GABRG3: variants seen among roughly 807,000 people sequenced by gnomAD.
GABRG3 encodes gamma-aminobutyric acid type A receptor subunit gamma3, also known as gamma-aminobutyric acid receptor subunit gamma-3.
GABRG3 carries 25 observed loss-of-function variants against 48.8 expected under a neutral mutation model. The ratio of observed to expected loss-of-function variants is 0.51; its 90% CI spans 0.37 to 0.72. The LOEUF (loss-of-function observed/expected upper bound fraction) is 0.72, where lower values mean the gene tolerates loss of function less well. Among genes scored for constraint, GABRG3 ranks in the 30% least tolerant of loss-of-function variants. The pLI, the probability that GABRG3 is intolerant of heterozygous loss-of-function variation, is 0.00. For synonymous variants in GABRG3, 227 were observed against 217.6 expected (o/e 1.04, Z -0.38); for missense variants, 394 against 577.9 (o/e 0.68, Z 3.26).
chr15:27,249,288 C>A lies in GABRG3; in HGVS notation c.271-77521C>A, dbSNP rs374597587. 4.2e-3 allele frequency among the ~76,000 whole-genome samples: 646 copies of A among 152,238 alleles called. 4 individuals carry two copies. The highest frequency in any genetic ancestry group is 0.015 in the African/African-American group (615 of 41,548). On this transcript the variant is annotated intron_variant, in intron 3 of 9. Coordinates refer to ENST00000615808, the MANE Select transcript of GABRG3 (RefSeq NM_033223.5). ...AAACCAGATGACAGCTGGCATGAAA[C>A]CGCGGGGCTGGGCACATCCCCTGTT...
intron 2 of GABRG3, among the ~76,000 whole-genome samples, chr15:27,012,955 G>T (rs951903412): frequency 1.4e-4 from 21 of 152,224 alleles, no homozygotes; most frequent in African/African-American, 4.1e-4. Flanking sequence ...CTGTTAAAAG[G>T]TACGTATTAA....
At chr15:27,407,344 A>T (rs1486081153) in intron 5 of GABRG3, among the ~76,000 whole-genome samples, 1 of 152,104 alleles carries the variant, frequency 6.6e-6, no homozygotes, top group Non-Finnish European at 1.5e-5. Flanking sequence ...AGCAGCAGGA[A>T]CTCTCATGTA....
At chr15:27,428,537 C>A (rs62003771) in intron 5 of GABRG3, among the ~76,000 whole-genome samples, 4,077 of 152,298 alleles carry the variant, frequency 0.027, 85 homozygotes, top group Non-Finnish European at 0.044. Context: ...AATTTTCTGC[C>A]AATTTATTGA....
At chr15:27,225,003 C>A (rs936273247) in intron 3 of GABRG3, among the ~76,000 whole-genome samples, 6 of 152,166 alleles carry the variant, frequency 3.9e-5, no homozygotes, top group African/African-American at 1.4e-4. Context: ...TGAGGAGAGT[C>A]TTCACCCTCC....
At chr15:27,313,170 C>T (rs561944154) in intron 3 of GABRG3, among the ~76,000 whole-genome samples, 13 of 140,070 alleles carry the variant, frequency 9.3e-5, no homozygotes, top group African/African-American at 3.4e-4. Context: ...AGAGTCAATT[C>T]AGCAGAAACA....
intron 3 of GABRG3, among the ~76,000 whole-genome samples, chr15:27,228,382 A>C (rs1195764794): frequency 6.6e-6 from 1 of 152,222 alleles, no homozygotes; most frequent in East Asian, 1.9e-4. Flanking sequence ...ATGTTCCCGC[A>C]AAAGACATGT....
At chr15:27,392,212 T>C (rs984129053) in intron 5 of GABRG3, among the ~76,000 whole-genome samples, 1 of 152,208 alleles carries the variant, frequency 6.6e-6, no homozygotes, top group Admixed American at 6.5e-5. Flanking sequence ...CTCCACGCTT[T>C]GTTCATATTC....
At chr15:27,497,597 A>C (rs984615767) in intron 6 of GABRG3, among the ~76,000 whole-genome samples, 2 of 152,202 alleles carry the variant, frequency 1.3e-5, no homozygotes, top group Non-Finnish European at 2.9e-5. Context: ...AAAAAGCTTA[A>C]ATGTGAAAAT....
chr15:27,244,508 G>A (rs1890218510), intron 3 of GABRG3, among the ~76,000 whole-genome samples: 1 of 152,248 alleles, frequency 6.6e-6, no homozygotes, highest in African/African-American at 2.4e-5. Flanking sequence ...AGATAGGTCT[G>A]TTGCGTTTAC....
intron 5 of GABRG3, among the ~76,000 whole-genome samples, chr15:27,403,118 C>T (rs1048138768): frequency 6.6e-6 from 1 of 151,038 alleles, no homozygotes; most frequent in South Asian, 2.1e-4. Context: ...GAACTAGAAA[C>T]AATAAATTAT....
Position 27,004,129 on chromosome 15 carries a change from A to AC in GABRG3, c.203-22618dup, listed in dbSNP as rs1326410581. On this transcript the variant is annotated intron_variant, in intron 2 of 9. Coordinates refer to ENST00000615808, the MANE Select transcript of GABRG3 (RefSeq NM_033223.5). ...GGGCGGCTGGCCGGGCGGGGGGCTG[A>AC]CCCCCCCACCTCCCTCCCGGACGGG... is the stretch of plus-strand genomic sequence containing the variant. Among the ~76,000 whole-genome samples, 18 of 122,032 alleles carry AC rather than the reference A, an allele frequency of 1.5e-4. No individual in the cohort carries two copies. The South Asian group carries it at 1.8e-3, about 12-fold the overall frequency. 80.1% of individuals were successfully genotyped at this position (122,032 alleles called of 152,430 possible). A position where few individuals can be genotyped will look rare whatever the true frequency, so the allele number is the denominator to read the frequency against.
chr15:27,000,236 T>C (rs1895418483), intron 2 of GABRG3, among the ~76,000 whole-genome samples: 1 of 152,236 alleles, frequency 6.6e-6, no homozygotes, highest in South Asian at 2.1e-4. Context: ...TCTTGTTGAC[T>C]GCTTGATATT....
At chr15:27,192,345 G>A (rs1348119612) in intron 3 of GABRG3, among the ~76,000 whole-genome samples, 20 of 152,284 alleles carry the variant, frequency 1.3e-4, no homozygotes, top group African/African-American at 4.8e-4. Flanking sequence ...CATTCTCCCT[G>A]TCACTTTCAG....
intron 3 of GABRG3, among the ~76,000 whole-genome samples, chr15:27,310,594 A>G (rs1892962085): frequency 6.6e-6 from 1 of 152,198 alleles, no homozygotes; most frequent in Non-Finnish European, 1.5e-5. Context: ...CAGAATTTCA[A>G]TGGTTTTTAT....
chr15:27,492,271 G>A (rs909372012), intron 6 of GABRG3, among the ~76,000 whole-genome samples: 1 of 152,154 alleles, frequency 6.6e-6, no homozygotes, highest in African/African-American at 2.4e-5. Context: ...GAAAGAGAGG[G>A]CACATTCCAA....
At chr15:27,025,340 A>G (rs980767564) in intron 2 of GABRG3, among the ~76,000 whole-genome samples, 1 of 152,212 alleles carries the variant, frequency 6.6e-6, no homozygotes, top group African/African-American at 2.4e-5. Flanking sequence ...TAGCATAATC[A>G]AAGGTTCTGC....
chr15:27,491,742 G>C (rs1425933019), intron 6 of GABRG3, among the ~76,000 whole-genome samples: 1 of 152,160 alleles, frequency 6.6e-6, no homozygotes, highest in Non-Finnish European at 1.5e-5. Context: ...CAGTAAAAAA[G>C]TGTGATCAGA....
In GABRG3 at chr15:27,539,628, A is replaced by G. The variant is rs959964653; in HGVS notation, c.*6747A>G. 2.0e-5 allele frequency: 3 copies of G among 152,194 alleles called. No homozygotes were observed. The highest frequency in any genetic ancestry group is 1.9e-4 in the East Asian group (1 of 5,168). 9.4% of individuals were successfully genotyped at this position (152,194 alleles called of 1,614,324 possible). On this transcript the variant is annotated 3_prime_UTR_variant, in exon 10 of 10. Transcript: ENST00000615808. ...GTAACAGGAAGGATTTTCAATGTCA[A>G]TTTCATCCATGAGTGAAGACCCCCC... is the stretch of plus-strand genomic sequence containing the variant.
chr15:27,306,993 T>TATATATAAAC lies in GABRG3; in HGVS notation c.271-19813_271-19804dup, dbSNP rs1412446607. Reference sequence around the variant, plus strand: ...TAAACATATATAATATAAACATGTTTATATATAAACATGTATAAACATGTT... The same window carrying TATATATAAAC: ...TAAACATATATAATATAAACATGTTTATATATAAACATATATAAACATGTATAAACATGTT... On this transcript the variant is annotated intron_variant, in intron 3 of 9. Coordinates refer to ENST00000615808, the MANE Select transcript of GABRG3 (RefSeq NM_033223.5). Among the ~76,000 whole-genome samples, 72 of 116,244 alleles carry TATATATAAAC rather than the reference T, an allele frequency of 6.2e-4. 13 individuals carry two copies. The highest frequency in any genetic ancestry group is 0.012 in the Middle Eastern group (1 of 84). The allele number at this position is 116,244 out of a possible 152,430, so 76.3% of individuals were successfully genotyped here. A position where few individuals can be genotyped will look rare whatever the true frequency, so the allele number is the denominator to read the frequency against.
Sources: gnomAD v4.1 joint callset for allele counts (sites outside exome capture counted in the v4.1 genomes callset) on GRCh38, gnomAD v4.1.1 for gene constraint, MANE v1.5 for transcripts, NCBI Gene and HGNC (gene_info 2026-07-23, HGNC 2026-07-21) for gene names.